CACNA1D: variants seen among roughly 807,000 people sequenced by gnomAD.
CACNA1D encodes calcium voltage-gated channel subunit alpha1 D.
CACNA1D carries 55 observed loss-of-function variants against 257.1 expected under a neutral mutation model. The observed-to-expected ratio is 0.21, with a 90% CI of 0.17 to 0.27. The LOEUF (loss-of-function observed/expected upper bound fraction) is 0.27. Ranked by LOEUF, CACNA1D falls within the 10% of genes least tolerant of loss-of-function variation. The pLI is 1.00. For synonymous variants in CACNA1D, 980 were observed against 1,014.9 expected (o/e 0.97, Z 0.65); for missense variants, 1,876 against 2,784.0 (o/e 0.67, Z 7.34).
At chr3:53,626,690 A>G (rs2093763312) in intron 3 of CACNA1D, among the ~76,000 whole-genome samples, 1 of 152,190 alleles carries the variant, frequency 6.6e-6, no homozygotes, top group South Asian at 2.1e-4. Context: ...TTATGATGTT[A>G]GATCAGTTCT....
chr3:53,808,224 C>T (rs62250902), intron 45 of CACNA1D: 5,516 of 226,292 alleles, frequency 0.024, 139 homozygotes, highest in East Asian at 0.12. Flanking sequence ...ACCATCCTGG[C>T]TAACACGGTG....
intron 40 of CACNA1D, chr3:53,792,215 T>G (rs1267484460): frequency 6.6e-6 from 1 of 152,206 alleles, no homozygotes; most frequent in Non-Finnish European, 1.5e-5. Flanking sequence ...GAGGTAACCC[T>G]GCAGGTTGCA....
intron 8 of CACNA1D, among the ~76,000 whole-genome samples, chr3:53,684,621 C>CAAAA (rs60026644): frequency 5.7e-4 from 48 of 84,462 alleles, no homozygotes; most frequent in East Asian, 2.5e-3. Flanking sequence ...GAAACTCTGT[C>CAAAA]AAAAAAAAAA....
At position 53,732,887 on chromosome 3, in the gene CACNA1D, C is replaced by T. The variant is rs776897309; in HGVS notation, c.2546C>T (p.Ser849Leu). The T allele has an allele frequency of 9.3e-6, 15 of 1,613,756 alleles. No individual in the cohort carries two copies. The highest frequency in any genetic ancestry group is 2.2e-5 in the East Asian group (1 of 44,886). ...VPAGPRPRRI[S>L]ELNMKEKIAP... The stretch of plus-strand genomic sequence containing the variant: ...GCCGGACCCCGTCCTCGAAGGATCT[C>T]GGAGTTGAACATGAAGGAAAAAATT... The change falls in exon 19 of 48, where the codon TCG becomes TTG. Residue 849 changes from serine to leucine, a missense_variant. Ser to Leu is a moderately radical substitution (Grantham distance 145). Around this residue, in one of 10 missense-constraint regions of CACNA1D, gnomAD observed 271 missense variants for 425.5 expected, o/e 0.64. Coordinates refer to ENST00000350061, the MANE Select transcript of CACNA1D (RefSeq NM_001128840.3).
chr3:53,714,748 C>T (rs2094801000), intron 9 of CACNA1D, among the ~76,000 whole-genome samples: 1 of 152,170 alleles, frequency 6.6e-6, no homozygotes, highest in Non-Finnish European at 1.5e-5. Context: ...TTCTCAGTGT[C>T]AGCTGTGTGT....
chr3:53,589,382 G>A (rs551484226), intron 3 of CACNA1D, among the ~76,000 whole-genome samples: 3 of 152,214 alleles, frequency 2.0e-5, no homozygotes, highest in South Asian at 2.1e-4. Context: ...CAGCCGTCCC[G>A]AGTGTGTGGC....
At chr3:53,687,519 A>T (rs916402933) in intron 8 of CACNA1D, among the ~76,000 whole-genome samples, 4 of 50,436 alleles carry the variant, frequency 7.9e-5, no homozygotes, top group Non-Finnish European at 9.6e-5. Context: ...CTTTTTAGTT[A>T]AAAAAAAAAA....
chr3:53,769,158 C>A (rs2095352131), intron 30 of CACNA1D, among the ~76,000 whole-genome samples: 1 of 152,214 alleles, frequency 6.6e-6, no homozygotes, highest in African/African-American at 2.4e-5. Context: ...TGGAGTGAGG[C>A]AAGGCCCCTG....
At position 53,580,578 on chromosome 3, in the gene CACNA1D, G is replaced by T. The variant is rs77569761; in HGVS notation, c.484-70201G>T. Among the ~76,000 whole-genome samples, 125 of 152,330 alleles carry T rather than the reference G, an allele frequency of 8.2e-4. 1 individual carries two copies. In the East Asian group the frequency reaches 0.022, roughly 27 times the overall value. On this transcript the variant is annotated intron_variant, in intron 3 of 47. Transcript: ENST00000350061. ...AAGAGACATTCACCATCTGTAGAGT[G>T]GGAATTGTGACTTCCTCTAGATGCA...
Position 53,762,143 on chromosome 3 carries a change from G to C in CACNA1D, c.3870+62G>C, listed in dbSNP as rs1021449108. ...TCTCTCCTCTGTCTGTGCATACTCC[G>C]CTCCCTGCCCTGCAGTGGCATCACC... On this transcript the variant is annotated intron_variant, in intron 30 of 47. Transcript: ENST00000350061. 7.8e-6 allele frequency: 8 copies of C among 1,020,220 alleles called. No individual in the cohort carries two copies. In the South Asian group the frequency reaches 8.9e-5, roughly 11 times the overall value. 63.2% of individuals were successfully genotyped at this position (1,020,220 alleles called of 1,614,324 possible).
chr3:53,802,003 C>A, intron 42 of CACNA1D, 144 bp from the exon 43 acceptor site: 1 of 778,326 alleles, frequency 1.3e-6, no homozygotes, highest in Non-Finnish European at 2.4e-6. Context: ...TCATACAAGG[C>A]CAGGTGGCAG....
intron 8 of CACNA1D, among the ~76,000 whole-genome samples, chr3:53,683,698 A>G (rs2094451503): frequency 1.4e-5 from 2 of 147,292 alleles, no homozygotes; most frequent in Non-Finnish European, 3.0e-5. Flanking sequence ...TAATAAAAGA[A>G]TAGGTAAATC....
At chr3:53,672,758 C>CTGTGTGTGTGTGTGTGTGTG (rs57956658) in intron 7 of CACNA1D, among the ~76,000 whole-genome samples, 2 of 95,008 alleles carry the variant, frequency 2.1e-5, no homozygotes, top group Admixed American at 1.1e-4. Context: ...CTTGATGACT[C>CTGTGTGTGTGTGTGTGTGTG]TGTGTGTGTG....
At chr3:53,689,497 A>C (rs2094501475) in intron 8 of CACNA1D, among the ~76,000 whole-genome samples, 1 of 151,604 alleles carries the variant, frequency 6.6e-6, no homozygotes, top group Non-Finnish European at 1.5e-5. Context: ...GGCTGCAGGG[A>C]TGGGGTCTGC....
chr3:53,683,055 AGT>A lies in CACNA1D; in HGVS notation c.1220+9932_1220+9933del, dbSNP rs1441094370. Among the ~76,000 whole-genome samples, 70 of 152,274 alleles carry A rather than the reference AGT, an allele frequency of 4.6e-4. 1 individual carries two copies. Among genetic ancestry groups the A allele is most frequent in the Non-Finnish European group, 1.5e-4 (10 of 68,024 alleles). ...TCTATTTGCTGAGGGGTCAAAGAAC[AGT>A]GTTCAGGGCTGCTAAGATAGCTGGG... On this transcript the variant is annotated intron_variant, in intron 8 of 47. Transcript: ENST00000350061.
chr3:53,717,366 C>T (rs1394226838), intron 9 of CACNA1D, among the ~76,000 whole-genome samples: 4 of 152,002 alleles, frequency 2.6e-5, no homozygotes, highest in Admixed American at 6.5e-5. Context: ...GCTGTGTGCC[C>T]TCTTTTTGCC....
chr3:53,761,967 A>G, intron 29 of CACNA1D, 31 bp from the exon 30 acceptor site: 3 of 1,502,828 alleles, frequency 2.0e-6, no homozygotes, highest in Non-Finnish European at 2.8e-6. Context: ...ATACATGCTC[A>G]TAAACATCTG....
chr3:53,659,627 G>A (rs2094183676), intron 4 of CACNA1D, among the ~76,000 whole-genome samples: 1 of 152,218 alleles, frequency 6.6e-6, no homozygotes, highest in African/African-American at 2.4e-5. Flanking sequence ...CCACATGCCT[G>A]TGTTTACATG....
chr3:53,783,651 G>A (rs2095437702), intron 39 of CACNA1D, among the ~76,000 whole-genome samples: 1 of 152,228 alleles, frequency 6.6e-6, no homozygotes, highest in African/African-American at 2.4e-5. Context: ...TGGCCACGAA[G>A]GAAGTTCCGA....
Sources: allele counts gnomAD v4.1 joint callset (sites outside exome capture counted in the v4.1 genomes callset), GRCh38; gene constraint gnomAD v4.1.1; regional missense constraint gnomAD v4.1.1; transcripts MANE v1.5; gene names NCBI Gene and HGNC (gene_info 2026-07-23, HGNC 2026-07-21).